Variants in DACH2 observed in about 807,000 individuals in gnomAD.
DACH2 encodes dachshund family transcription factor 2.
DACH2 carries 17 observed loss-of-function variants against 35.8 expected under a neutral mutation model. That is an observed-to-expected ratio of 0.48 (90% confidence interval 0.33 to 0.71). The LOEUF (loss-of-function observed/expected upper bound fraction) is 0.71, where lower values mean the gene tolerates loss of function less well. DACH2 is among the 30% of genes least tolerant of loss of function. DACH2 has a pLI of 0.02. For missense variants in DACH2, 469 were observed against 472.7 expected (o/e 0.99, Z 0.07); for synonymous variants, 195 against 177.3 (o/e 1.10, Z -0.79).
intron 1 of DACH2, among the ~76,000 whole-genome samples, chrX:86,317,974 T>C (rs2034945295): frequency 9.0e-6 from 1 of 111,521 alleles, no homozygotes; most frequent in African/African-American, 3.3e-5. Context: ...TAAAGGGAAA[T>C]ACACCCTTTC....
intron 3 of DACH2, among the ~76,000 whole-genome samples, chrX:86,518,630 C>G (rs186200795): frequency 9.0e-6 from 1 of 111,537 alleles, no homozygotes; most frequent in Admixed American, 9.6e-5. Flanking sequence ...TAGCTCTATT[C>G]CTAGATGTTT....
chrX:86,150,355 C>T (rs945887794), intron 1 of DACH2, among the ~76,000 whole-genome samples: 2 of 112,156 alleles, frequency 1.8e-5, no homozygotes, highest in African/African-American at 6.5e-5. Context: ...ATCATAAAAT[C>T]TCTGGGTCTG....
intron 6 of DACH2, among the ~76,000 whole-genome samples, chrX:86,724,660 A>G (rs2041444799): frequency 9.0e-6 from 1 of 111,560 alleles, no homozygotes; most frequent in Non-Finnish European, 1.9e-5. Context: ...TGACTAGAAT[A>G]TGGTGTGGTG....
intron 6 of DACH2, among the ~76,000 whole-genome samples, chrX:86,728,088 A>G (rs766600697): frequency 8.9e-6 from 1 of 112,251 alleles, no homozygotes; most frequent in South Asian, 3.7e-4. Flanking sequence ...GGTGATATGG[A>G]CAGTGAAATC....
At chrX:86,213,256 T>C (rs1374054014) in intron 1 of DACH2, among the ~76,000 whole-genome samples, 1 of 111,527 alleles carries the variant, frequency 9.0e-6, no homozygotes, top group Non-Finnish European at 1.9e-5. Context: ...GTGTATGCAA[T>C]GTGATATTTA....
rs1259336186 is a variant in DACH2, at chrX:86,775,681, T to C, written c.1240+35799T>C. On this transcript the variant is annotated intron_variant, in intron 7 of 11. Transcript: ENST00000373125. ...ACTGTTATTAAGCAGAACAAAACAA[T>C]AGAAATTTAATACCAATATAAAACT... is the stretch of plus-strand genomic sequence containing the variant. Among the ~76,000 whole-genome samples, 3 of 111,742 alleles carry C rather than the reference T, an allele frequency of 2.7e-5. No individual in the cohort carries two copies. In the Admixed American group the frequency reaches 2.9e-4, roughly 11 times the overall value.
At chrX:86,492,262 A>T (rs1027879038) in intron 2 of DACH2, among the ~76,000 whole-genome samples, 17 of 111,241 alleles carry the variant, frequency 1.5e-4, no homozygotes, top group Non-Finnish European at 1.5e-4. Context: ...AATAAAATAC[A>T]CATAGTATTC....
At chrX:86,481,453 C>T (rs1279773419) in intron 2 of DACH2, 2 of 111,547 alleles carry the variant, frequency 1.8e-5, no homozygotes, top group Non-Finnish European at 3.8e-5. Context: ...CCATCTTCTC[C>T]GTAAGTAAAT....
chrX:86,722,302 A>T (rs890265146), intron 6 of DACH2, among the ~76,000 whole-genome samples: 11 of 110,847 alleles, frequency 9.9e-5, no homozygotes, highest in Admixed American at 2.9e-4. Flanking sequence ...TGATTATATG[A>T]TTTTTGTTTT....
At chrX:86,645,397 T>A (rs1030554664) in intron 3 of DACH2, among the ~76,000 whole-genome samples, 9 of 110,300 alleles carry the variant, frequency 8.2e-5, no homozygotes, top group African/African-American at 2.3e-4. Flanking sequence ...AGAAAAAAAA[T>A]TAACATATGC....
intron 3 of DACH2, among the ~76,000 whole-genome samples, chrX:86,597,413 T>G (rs1478004540): frequency 8.9e-6 from 1 of 112,332 alleles, no homozygotes; most frequent in African/African-American, 3.2e-5. Flanking sequence ...TTCCTTGTGA[T>G]CTCATCTTTC....
intron 1 of DACH2, among the ~76,000 whole-genome samples, chrX:86,306,479 G>A (rs1298435782): frequency 1.8e-5 from 2 of 112,060 alleles, no homozygotes; most frequent in Non-Finnish European, 3.8e-5. Flanking sequence ...GTCTGTGTAG[G>A]TGTTGCCCAA....
At chrX:86,529,969 A>ACACACG (rs1219919247) in intron 3 of DACH2, among the ~76,000 whole-genome samples, 61 of 44,933 alleles carry the variant, frequency 1.4e-3, no homozygotes, top group African/African-American at 3.9e-3. Flanking sequence ...ACACACACAC[A>ACACACG]CACACACGCA....
At chrX:86,235,337 C>T (rs1306875627) in intron 1 of DACH2, among the ~76,000 whole-genome samples, 1 of 112,392 alleles carries the variant, frequency 8.9e-6, no homozygotes, top group East Asian at 2.8e-4. Context: ...TTTCTGTCAT[C>T]AGCCCACGCT....
Position 86,524,089 on chromosome X carries a change from C to T in DACH2, c.640+9698C>T, listed in dbSNP as rs1450892325. 2.7e-5 allele frequency among the ~76,000 whole-genome samples: 3 copies of T among 112,481 alleles called. No homozygotes were observed. The East Asian group carries it at 8.4e-4, about 32-fold the overall frequency. On this transcript the variant is annotated intron_variant, in intron 3 of 11. Transcript: ENST00000373125. ...GCCTATGCCCAGGAATGACCAAGGA[C>T]AGCTTGGAGGTTAGAAGCAAAATGG...
chrX:86,723,333 A>ATT (rs1222391132), intron 6 of DACH2, among the ~76,000 whole-genome samples: 108 of 26,796 alleles, frequency 4.0e-3, no homozygotes, highest in African/African-American at 0.017. Context: ...TCCTTCTGCT[A>ATT]ATTTTTTTTT....
intron 1 of DACH2, among the ~76,000 whole-genome samples, chrX:86,268,064 AAAGATC>A (rs1406136309): frequency 1.8e-5 from 2 of 112,135 alleles, no homozygotes; most frequent in Non-Finnish European, 3.8e-5. Flanking sequence ...AGGAAAGAAA[AAAGATC>A]ACTAGAAAAC....
chrX:86,810,181 A>T (rs1170336786), intron 7 of DACH2, among the ~76,000 whole-genome samples: 1 of 111,395 alleles, frequency 9.0e-6, no homozygotes, highest in Non-Finnish European at 1.9e-5. Flanking sequence ...ATTTAATGGC[A>T]TTTTTTTCAT....
intron 2 of DACH2, among the ~76,000 whole-genome samples, chrX:86,514,001 C>T (rs2038431173): frequency 9.0e-6 from 1 of 111,560 alleles, no homozygotes; most frequent in Admixed American, 9.6e-5. Flanking sequence ...TAGGGTTTCT[C>T]ACACAACAGG....
Sources: gnomAD v4.1 joint callset for allele counts (sites outside exome capture counted in the v4.1 genomes callset) on GRCh38, gnomAD v4.1.1 for gene constraint, MANE v1.5 for transcripts, NCBI Gene and HGNC (gene_info 2026-07-23, HGNC 2026-07-21) for gene names.